LRP1B: variants seen among roughly 807,000 people sequenced by gnomAD.
LRP1B encodes LDL receptor related protein 1B, also known as low-density lipoprotein receptor-related protein 1B.
LRP1B carries 217 observed loss-of-function variants against 556.6 expected under a neutral mutation model. The observed-to-expected ratio is 0.39, with a 90% CI of 0.35 to 0.44. LRP1B has a LOEUF of 0.44. Ranked by LOEUF, LRP1B falls within the 20% of genes least tolerant of loss-of-function variation. The pLI, the probability that LRP1B is intolerant of heterozygous loss-of-function variation, is 1.00. For missense variants in LRP1B, 5,053 were observed against 5,620.8 expected (o/e 0.90, Z 3.23); for synonymous variants, 2,047 against 1,865.8 (o/e 1.10, Z -2.50).
chr2:141,870,591 A>G (rs1432623278), intron 1 of LRP1B, among the ~76,000 whole-genome samples: 1 of 152,020 alleles, frequency 6.6e-6, no homozygotes, highest in Non-Finnish European at 1.5e-5. Context: ...AATAGAGACT[A>G]TATTACAAAT....
intron 29 of LRP1B, among the ~76,000 whole-genome samples, chr2:140,841,333 A>T (rs1335437399): frequency 6.6e-6 from 1 of 152,188 alleles, no homozygotes; most frequent in Non-Finnish European, 1.5e-5. Context: ...AATTACACTA[A>T]CCGTCAATGA....
chr2:140,382,788 C>T (rs1453229830), intron 67 of LRP1B, among the ~76,000 whole-genome samples: 1 of 152,052 alleles, frequency 6.6e-6, no homozygotes, highest in Non-Finnish European at 1.5e-5. Context: ...CCAAAAGTGA[C>T]TTTAAATTAT....
intron 12 of LRP1B, among the ~76,000 whole-genome samples, chr2:141,018,391 A>G (rs933312599): frequency 4.6e-5 from 7 of 152,080 alleles, no homozygotes; most frequent in Non-Finnish European, 8.8e-5. Flanking sequence ...GGATGCAGAT[A>G]TTGTCTCAAT....
At chr2:141,566,089 G>A (rs1389848046) in intron 2 of LRP1B, among the ~76,000 whole-genome samples, 1 of 151,556 alleles carries the variant, frequency 6.6e-6, no homozygotes, top group Non-Finnish European at 1.5e-5. Context: ...AATATGCCTG[G>A]CAGAAAATGT....
chr2:141,038,077 C>G (rs75621151), intron 11 of LRP1B, among the ~76,000 whole-genome samples: 1 of 151,498 alleles, frequency 6.6e-6, no homozygotes, highest in East Asian at 2.0e-4. Flanking sequence ...GAGTGGGCAT[C>G]AGAAGCTAAC....
intron 2 of LRP1B, among the ~76,000 whole-genome samples, chr2:141,578,051 T>A (rs1187646420): frequency 6.6e-6 from 1 of 152,142 alleles, no homozygotes; most frequent in Non-Finnish European, 1.5e-5. Context: ...GATAATTGCA[T>A]ACATAAACGG....
At chr2:141,580,378 C>G (rs893096904) in intron 2 of LRP1B, among the ~76,000 whole-genome samples, 1 of 152,184 alleles carries the variant, frequency 6.6e-6, no homozygotes, top group African/African-American at 2.4e-5. Context: ...CACTATCAAC[C>G]TGCTTTTAAG....
At chr2:140,475,619 G>T (rs1687943096) in intron 59 of LRP1B, among the ~76,000 whole-genome samples, 1 of 150,930 alleles carries the variant, frequency 6.6e-6, no homozygotes, top group African/African-American at 2.4e-5. Context: ...ACCAATTATA[G>T]ATGTTCAAAA....
At chr2:141,500,308 G>T (rs982540120) in intron 2 of LRP1B, among the ~76,000 whole-genome samples, 1 of 152,070 alleles carries the variant, frequency 6.6e-6, no homozygotes, top group African/African-American at 2.4e-5. Context: ...AAAATGATAT[G>T]TAAGCTCTCA....
At chr2:141,814,509 G>A (rs1033796331) in intron 1 of LRP1B, among the ~76,000 whole-genome samples, 2 of 152,204 alleles carry the variant, frequency 1.3e-5, no homozygotes, top group African/African-American at 4.8e-5. Context: ...AATCATCTAG[G>A]TGAGAGGAGA....
intron 2 of LRP1B, among the ~76,000 whole-genome samples, chr2:141,540,237 A>G (rs550079112): frequency 3.3e-5 from 5 of 152,198 alleles, no homozygotes; most frequent in South Asian, 4.1e-4. Flanking sequence ...CTTAAAGAAC[A>G]AAGAAGCCAA....
At chr2:140,536,128 A>C (rs16844177) in intron 46 of LRP1B, among the ~76,000 whole-genome samples, 3,612 of 151,924 alleles carry the variant, frequency 0.024, 48 homozygotes, top group African/African-American at 0.033. Flanking sequence ...GGGGTTCAAA[A>C]GATTAGCTAC....
chr2:141,582,394 C>A (rs919358697), intron 2 of LRP1B, among the ~76,000 whole-genome samples: 3 of 152,152 alleles, frequency 2.0e-5, no homozygotes, highest in African/African-American at 7.2e-5. Context: ...TGTGTGGTTG[C>A]TAGGGTAGCA....
intron 1 of LRP1B, among the ~76,000 whole-genome samples, chr2:142,112,647 A>G (rs1707043536): frequency 6.6e-6 from 1 of 152,104 alleles, no homozygotes; most frequent in Non-Finnish European, 1.5e-5. Flanking sequence ...TCTTGACAAT[A>G]ACATTTTTGA....
intron 5 of LRP1B, among the ~76,000 whole-genome samples, chr2:141,231,072 C>A (rs1207311096): frequency 1.3e-5 from 2 of 152,172 alleles, no homozygotes; most frequent in East Asian, 3.9e-4. Context: ...ATTTATTTAA[C>A]CTATGAAGGG....
rs528547938 is a variant in LRP1B, at chr2:140,931,045, C to T, written c.3137-7898G>A. ...CAGCAGACAGATGCTTATTAAAAGCCACCTCCCAGACTTTGGGCTAACTGG... is the reference window on the plus strand; with the variant it reads ...CAGCAGACAGATGCTTATTAAAAGCTACCTCCCAGACTTTGGGCTAACTGG... On this transcript the variant is annotated intron_variant, in intron 20 of 90. Coordinates refer to ENST00000389484, the MANE Select transcript of LRP1B (RefSeq NM_018557.3). 4.6e-5 allele frequency among the ~76,000 whole-genome samples: 7 copies of T among 152,120 alleles called. No homozygotes were observed. The South Asian group carries it at 1.5e-3, about 32-fold the overall frequency.
intron 43 of LRP1B, among the ~76,000 whole-genome samples, chr2:140,573,590 C>CATT (rs1370806116): frequency 6.6e-6 from 1 of 151,752 alleles, no homozygotes; most frequent in Non-Finnish European, 1.5e-5. Context: ...CCAACTTGAC[C>CATT]ATTTGGGATT....
intron 77 of LRP1B, among the ~76,000 whole-genome samples, chr2:140,345,761 T>TATATATACACATATATACAC (rs1558817927): frequency 5.3e-5 from 7 of 131,808 alleles, no homozygotes; most frequent in African/African-American, 1.5e-4. Context: ...CATATATACA[T>TATATATACACATATATACAC]ATATACACAT....
At chr2:142,121,430 C>T (rs1311586328) in intron 1 of LRP1B, among the ~76,000 whole-genome samples, 2 of 152,276 alleles carry the variant, frequency 1.3e-5, no homozygotes, top group Non-Finnish European at 2.9e-5. Flanking sequence ...GCTTTCTCTA[C>T]TTCTGTTCTC....
Sources: gnomAD v4.1 joint callset for allele counts (sites outside exome capture counted in the v4.1 genomes callset) on GRCh38, gnomAD v4.1.1 for gene constraint, MANE v1.5 for transcripts, NCBI Gene and HGNC (gene_info 2026-07-23, HGNC 2026-07-21) for gene names.